Variants in ELK3 observed in about 807,000 individuals in gnomAD.
ELK3 encodes ETS domain-containing protein Elk-3.
In ELK3, 10 loss-of-function variants were observed where a neutral mutation model predicts 28.9. That is an observed-to-expected ratio of 0.35 (90% confidence interval 0.21 to 0.59). ELK3 has a LOEUF of 0.59. Among genes scored for constraint, ELK3 ranks in the 20% least tolerant of loss-of-function variants. The pLI is 0.82. For synonymous variants in ELK3, 272 were observed against 243.5 expected, an observed-to-expected ratio of 1.12 and a Z score of -1.09; for missense variants, 463 against 517.3, an observed-to-expected ratio of 0.90 and a Z score of 1.02.
intron 1 of ELK3, among the ~76,000 whole-genome samples, chr12:96,197,291 A>C (rs1452668759): frequency 3.3e-5 from 5 of 152,158 alleles, no homozygotes; most frequent in African/African-American, 1.2e-4. Context: ...GGTTGTTATA[A>C]CTAAGGGGGT....
intron 2 of ELK3, among the ~76,000 whole-genome samples, chr12:96,237,903 A>T (rs1017915820): frequency 4.6e-5 from 7 of 152,228 alleles, no homozygotes; most frequent in Non-Finnish European, 1.0e-4. Flanking sequence ...GTCAGGAAGG[A>T]GTGAGTCAGA....
At chr12:96,265,078 TGGA>T (rs1183733252) in intron 4 of ELK3, among the ~76,000 whole-genome samples, 6 of 152,032 alleles carry the variant, frequency 3.9e-5, no homozygotes, top group Non-Finnish European at 8.8e-5. Context: ...AGGCATTGGT[TGGA>T]GATGTCTAAA....
intron 2 of ELK3, among the ~76,000 whole-genome samples, chr12:96,244,723 A>C (rs1951844606): frequency 6.6e-6 from 1 of 152,198 alleles, no homozygotes; most frequent in East Asian, 1.9e-4. Flanking sequence ...AGGAAGCATT[A>C]ACACACCAGG....
intron 2 of ELK3, among the ~76,000 whole-genome samples, chr12:96,236,004 T>G (rs998874871): frequency 6.6e-6 from 1 of 152,022 alleles, no homozygotes; most frequent in Non-Finnish European, 1.5e-5. Context: ...TTTTGTATTT[T>G]TAGTAGAGAT....
chr12:96,253,239 A>G (rs1345619061), intron 3 of ELK3, among the ~76,000 whole-genome samples: 1 of 152,242 alleles, frequency 6.6e-6, no homozygotes, highest in African/African-American at 2.4e-5. Flanking sequence ...CAGCCTGGAC[A>G]ACAAGAGCGA....
rs1222084380 is a variant in ELK3 at position 96,269,579 on chromosome 12, G to C, written c.*2399G>C. ...GCTCTGCCTCATTCTGTGTGTGTGT[G>C]CATGTGTGTGTTAGCAGAGGTATTT... On this transcript the variant is annotated 3_prime_UTR_variant, in exon 5 of 5. Transcript: ENST00000228741. The C allele has an allele frequency of 6.6e-6, 1 of 152,310 alleles. No homozygotes were observed. Among genetic ancestry groups the C allele is most frequent in the East Asian group, 1.9e-4 (1 of 5,192 alleles). 9.4% of individuals were successfully genotyped at this position (152,310 alleles called of 1,614,324 possible).
chr12:96,213,932 C>G (rs1951592767), intron 1 of ELK3: 1 of 147,238 alleles, frequency 6.8e-6, no homozygotes, highest in African/African-American at 2.5e-5. Context: ...TCGTGTTGCC[C>G]AGGCTGGTCT....
At chr12:96,260,715 T>C (rs1031488325) in intron 4 of ELK3, among the ~76,000 whole-genome samples, 14 of 152,330 alleles carry the variant, frequency 9.2e-5, no homozygotes, top group African/African-American at 3.4e-4. Flanking sequence ...GAAAGAATCC[T>C]AGGGACAGGA....
intron 4 of ELK3, among the ~76,000 whole-genome samples, chr12:96,265,637 T>C (rs1952023786): frequency 6.6e-6 from 1 of 152,096 alleles, no homozygotes; most frequent in African/African-American, 2.4e-5. Flanking sequence ...CAATATTGCA[T>C]CACTATGCTC....
chr12:96,252,699 A>G (rs1951916863), intron 3 of ELK3, among the ~76,000 whole-genome samples: 1 of 152,218 alleles, frequency 6.6e-6, no homozygotes, highest in Non-Finnish European at 1.5e-5. Context: ...TTTATTGATC[A>G]AACTTGATTG....
At chr12:96,241,350 G>A (rs919756895) in intron 2 of ELK3, among the ~76,000 whole-genome samples, 3 of 151,434 alleles carry the variant, frequency 2.0e-5, no homozygotes, top group Middle Eastern at 3.4e-3. Flanking sequence ...AAAACTTATC[G>A]AAATATTTCT....
intron 1 of ELK3, among the ~76,000 whole-genome samples, chr12:96,210,597 A>ACACACACCCC (rs1416746905): frequency 9.4e-5 from 14 of 149,060 alleles, no homozygotes; most frequent in South Asian, 2.1e-4. Context: ...ACACACACAC[A>ACACACACCCC]CCCCGAGTGG....
At chr12:96,259,155 G>A (rs1163857372) in intron 3 of ELK3, among the ~76,000 whole-genome samples, 1 of 152,194 alleles carries the variant, frequency 6.6e-6, no homozygotes, top group Non-Finnish European at 1.5e-5. Flanking sequence ...CCATTCGGAC[G>A]AAAGTTGATA....
rs1018008559 is a variant in ELK3 at position 96,247,468 on chromosome 12, C to T, written c.736C>T (p.Leu246=). ...ASPFSSRSPS[L]SPNSPLPSEH... is the part of the protein sequence containing the mutation. The stretch of plus-strand genomic sequence containing the variant: ...ACCCTTCTCATCTCGGTCCCCGTCC[C>T]TGTCCCCCAACTCACCCCTCCCTTC... Residue 246 remains leucine (L), a synonymous_variant, in exon 3 of 5, where the codon CTG becomes TTG. Transcript: ENST00000228741. The surrounding 1 kb of genome is among the most constrained non-coding windows in gnomAD (Gnocchi z 5.5). 6.2e-7 allele frequency: 1 copy of T among 1,614,156 alleles called. No homozygotes were observed. The highest frequency in any genetic ancestry group is 8.5e-7 in the Non-Finnish European group (1 of 1,180,028).
chr12:96,200,541 A>T (rs1372513393), intron 1 of ELK3, among the ~76,000 whole-genome samples: 1 of 152,136 alleles, frequency 6.6e-6, no homozygotes, highest in Non-Finnish European at 1.5e-5. Context: ...TCTGTCACCC[A>T]GGCTGGAGTG....
intron 4 of ELK3, among the ~76,000 whole-genome samples, chr12:96,262,332 G>T (rs746357994): frequency 6.6e-6 from 1 of 152,086 alleles, no homozygotes; most frequent in Non-Finnish European, 1.5e-5. Flanking sequence ...AAACATTTTT[G>T]TCATGTTCCT....
intron 2 of ELK3, among the ~76,000 whole-genome samples, chr12:96,238,351 T>C (rs1951798037): frequency 1.3e-5 from 2 of 151,464 alleles, no homozygotes; most frequent in Admixed American, 6.6e-5. Context: ...GTGTAGATGT[T>C]CAGTAACTTT....
intron 2 of ELK3, among the ~76,000 whole-genome samples, chr12:96,239,444 A>G (rs1951805621): frequency 6.6e-6 from 1 of 152,160 alleles, no homozygotes; most frequent in African/African-American, 2.4e-5. Context: ...GGTGGTGGAC[A>G]GTTGGATATA....
chr12:96,216,028 C>A (rs1951614768), intron 1 of ELK3, among the ~76,000 whole-genome samples: 1 of 152,156 alleles, frequency 6.6e-6, no homozygotes, highest in African/African-American at 2.4e-5. Flanking sequence ...AAAAATGTCC[C>A]TCCCCTCTGT....
Sources: allele counts gnomAD v4.1 joint callset (sites outside exome capture counted in the v4.1 genomes callset), GRCh38; gene constraint gnomAD v4.1.1; non-coding constraint Gnocchi (gnomAD v3.1); transcripts MANE v1.5; gene names NCBI Gene and HGNC (gene_info 2026-07-23, HGNC 2026-07-21).